CCDC91: variants seen among roughly 807,000 people sequenced by gnomAD.
The protein encoded by CCDC91 is coiled-coil domain containing 91, also known as coiled-coil domain-containing protein 91.
A neutral mutation model predicts 63.2 loss-of-function variants in CCDC91; 48 were observed. The observed-to-expected ratio is 0.76, with a 90% confidence interval of 0.60 to 0.97. CCDC91 has a LOEUF of 0.97. Among genes scored for constraint, CCDC91 ranks in the 50% least tolerant of loss-of-function variants. The probability of loss-of-function intolerance (pLI) is 0.00; values close to 1 mark genes in which losing one functional copy is unlikely to be tolerated. For synonymous variants in CCDC91, 167 were observed against 165.8 expected, an observed-to-expected ratio of 1.01 and a Z score of -0.06; for missense variants, 500 against 494.6, an observed-to-expected ratio of 1.01 and a Z score of -0.10.
chr12:28,406,606 C>T (rs1946962305), intron 8 of CCDC91, among the ~76,000 whole-genome samples: 1 of 152,010 alleles, frequency 6.6e-6, no homozygotes, highest in Non-Finnish European at 1.5e-5. Context: ...TTTCTAAGAG[C>T]AGAAGTTTTA....
chr12:28,202,996 G>A (rs11049453), intron 1 of CCDC91, among the ~76,000 whole-genome samples: 39,679 of 152,048 alleles, frequency 0.26, 5,445 homozygotes, highest in Non-Finnish European at 0.31. Context: ...TAAAGGAGTG[G>A]TGTTTTCCAG....
chr12:28,535,514 G>C (rs1942082383), intron 12 of CCDC91, among the ~76,000 whole-genome samples: 1 of 152,188 alleles, frequency 6.6e-6, no homozygotes, highest in Non-Finnish European at 1.5e-5. Flanking sequence ...GATCTCTTAG[G>C]ATAGCATGAC....
chr12:28,345,683 G>C (rs1942760244), intron 6 of CCDC91, among the ~76,000 whole-genome samples: 1 of 151,636 alleles, frequency 6.6e-6, no homozygotes, highest in Admixed American at 6.6e-5. Flanking sequence ...CCATTTTTCT[G>C]GTGCCCCAAC....
intron 7 of CCDC91, among the ~76,000 whole-genome samples, chr12:28,375,999 A>T (rs1279847738): frequency 6.6e-6 from 1 of 151,892 alleles, no homozygotes; most frequent in Non-Finnish European, 1.5e-5. Context: ...CAACTTCTAC[A>T]GTGCATAGTA....
intron 8 of CCDC91, among the ~76,000 whole-genome samples, chr12:28,395,283 A>G (rs1946220695): frequency 2.0e-5 from 3 of 152,188 alleles, no homozygotes; most frequent in Non-Finnish European, 4.4e-5. Flanking sequence ...AACTGCCTGG[A>G]CACCAAATCG....
At chr12:28,417,219 T>C (rs761210848) in intron 8 of CCDC91, among the ~76,000 whole-genome samples, 1 of 152,132 alleles carries the variant, frequency 6.6e-6, no homozygotes, top group Non-Finnish European at 1.5e-5. Context: ...TTGCTTATCT[T>C]ATTTGTGATG....
rs538657669 is a variant in CCDC91 at position 28,311,321 on chromosome 12, A to G, written c.576+3572A>G. 3.3e-5 allele frequency among the ~76,000 whole-genome samples: 5 copies of G among 152,114 alleles called. No individual in the cohort carries two copies. In the East Asian group the frequency reaches 9.7e-4, roughly 30 times the overall value. On this transcript the variant is annotated intron_variant, in intron 6 of 12. Transcript: ENST00000536442. The stretch of plus-strand genomic sequence containing the variant: ...ATCTTCTTACCTCTGGATAGTTATA[A>G]AAGTTCTGGCTTCCCACTCAGCTTC...
At chr12:28,533,858 A>G (rs1478603051) in intron 12 of CCDC91, among the ~76,000 whole-genome samples, 2 of 151,674 alleles carry the variant, frequency 1.3e-5, no homozygotes, top group East Asian at 1.9e-4. Context: ...TAACTTTACT[A>G]TTTGATTTGA....
intron 1 of CCDC91, chr12:28,226,110 T>C (rs1424644095): frequency 6.6e-6 from 1 of 152,168 alleles, no homozygotes; most frequent in Non-Finnish European, 1.5e-5. Context: ...ATTTAACCAG[T>C]TTTATTTTGG....
At chr12:28,229,460 A>G (rs1403665400) in intron 1 of CCDC91, among the ~76,000 whole-genome samples, 17 of 152,216 alleles carry the variant, frequency 1.1e-4, no homozygotes, top group Non-Finnish European at 1.5e-5. Flanking sequence ...TGACTACTTT[A>G]GGAAAGCCTT....
chr12:28,433,029 G>A (rs1280392507), intron 8 of CCDC91, among the ~76,000 whole-genome samples: 2 of 151,900 alleles, frequency 1.3e-5, no homozygotes, highest in Non-Finnish European at 2.9e-5. Flanking sequence ...TTGGTGAGCT[G>A]CTAAAGTCTT....
intron 1 of CCDC91, among the ~76,000 whole-genome samples, chr12:28,238,454 T>C (rs1945113927): frequency 6.6e-6 from 1 of 152,174 alleles, no homozygotes; most frequent in Admixed American, 6.5e-5. Flanking sequence ...GAATTAGTTT[T>C]TATATTTTGC....
At chr12:28,301,656 T>G (rs1592247937) in intron 3 of CCDC91, among the ~76,000 whole-genome samples, 1 of 151,862 alleles carries the variant, frequency 6.6e-6, no homozygotes, top group South Asian at 2.1e-4. Context: ...ATGTTTGAAT[T>G]TTTGGTAGAA....
intron 8 of CCDC91, among the ~76,000 whole-genome samples, chr12:28,392,155 G>T (rs973923041): frequency 6.6e-6 from 1 of 152,068 alleles, no homozygotes; most frequent in Non-Finnish European, 1.5e-5. Flanking sequence ...ATTTTAATAA[G>T]TGGCTTGGAA....
chr12:28,252,001 T>G (rs1256711917), intron 1 of CCDC91, among the ~76,000 whole-genome samples: 2 of 152,184 alleles, frequency 1.3e-5, no homozygotes, highest in Non-Finnish European at 2.9e-5. Context: ...TTTGAGACTT[T>G]ACAGGTGTGA....
Position 28,451,706 on chromosome 12 carries a change from AGGACTGTAATAT to A in CCDC91, c.925-771_925-760del, listed in dbSNP as rs377665768. Among the ~76,000 whole-genome samples, 192 of 151,808 alleles carry A rather than the reference AGGACTGTAATAT, an allele frequency of 1.3e-3. 1 individual carries two copies. Among genetic ancestry groups the A allele is most frequent in the African/African-American group, 4.5e-3 (187 of 41,546 alleles). ...AAATGATTCATTCAGATTGCAAGAA[AGGACTGTAATAT>A]AATAGCATGAAAATTTCATTTGACA... is the stretch of plus-strand genomic sequence containing the variant. On this transcript the variant is annotated intron_variant, in intron 10 of 12. Transcript: ENST00000536442.
intron 6 of CCDC91, among the ~76,000 whole-genome samples, chr12:28,355,841 A>C (rs1296670871): frequency 6.6e-6 from 1 of 152,134 alleles, no homozygotes; most frequent in Non-Finnish European, 1.5e-5. Context: ...CCATGTGTTA[A>C]GGCAGCCATT....
chr12:28,450,014 T>C, intron 8 of CCDC91, 147 bp from the exon 9 acceptor site: 1 of 501,436 alleles, frequency 2.0e-6, no homozygotes. Context: ...TGTTTTTTTC[T>C]CCTGAACCTT....
At chr12:28,305,874 C>G in intron 4 of CCDC91, 68 bp downstream of exon 4, 1 of 1,330,798 alleles carries the variant, frequency 7.5e-7, no homozygotes, top group South Asian at 1.4e-5. Context: ...TTAATTGTTG[C>G]TTTTTTAATT....
Sources: gnomAD v4.1 joint callset for allele counts (sites outside exome capture counted in the v4.1 genomes callset) on GRCh38, gnomAD v4.1.1 for gene constraint, MANE v1.5 for transcripts, NCBI Gene and HGNC (gene_info 2026-07-23, HGNC 2026-07-21) for gene names.